PPP2R1B: variants seen among roughly 807,000 people sequenced by gnomAD.
PPP2R1B encodes the protein protein phosphatase 2 scaffold subunit Abeta.
In PPP2R1B, 58 loss-of-function variants were observed where a neutral mutation model predicts 72.7. The ratio of observed to expected loss-of-function variants is 0.80; its 90% confidence interval spans 0.65 to 0.99. The LOEUF (loss-of-function observed/expected upper bound fraction) is 0.99. PPP2R1B is among the 50% of genes least tolerant of loss of function. PPP2R1B has a pLI of 0.00. For synonymous variants in PPP2R1B, 256 were observed against 264.6 expected, an observed-to-expected ratio of 0.97 and a Z score of 0.32; for missense variants, 695 against 733.6, an observed-to-expected ratio of 0.95 and a Z score of 0.61.
In PPP2R1B at chr11:111,753,132, T is replaced by C. The variant is rs919991369; in HGVS notation, c.1164+311A>G. Among the ~76,000 whole-genome samples the C allele has an allele frequency of 9.2e-5, 14 of 152,330 alleles. No individual in the cohort carries two copies. The East Asian group carries it at 2.5e-3, about 27-fold the overall frequency. ...GGTATCATTATAATTTTTGATACTA[T>C]ATTTAAACTTAAATAAATGAAACTT... On this transcript the variant is annotated intron_variant, in intron 9 of 14. Transcript: ENST00000527614.
the PPP2R1B span, among the ~76,000 whole-genome samples, chr11:111,691,150 C>T: frequency 2.0e-5 from 3 of 152,252 alleles, no homozygotes; most frequent in African/African-American, 7.2e-5. Context: ...ATACGTGGGT[C>T]AAATCAGTGT....
chr11:111,721,210 C>T, the PPP2R1B span: 3 of 930,554 alleles, frequency 3.2e-6, no homozygotes, highest in Admixed American at 5.9e-5. Context: ...TGCCTTGTTG[C>T]TGCCACCTGC....
Position 111,741,763 on chromosome 11 carries a change from G to A in PPP2R1B, c.1790-151C>T, listed in dbSNP as rs964842017. 1.0e-5 allele frequency: 10 copies of A among 965,686 alleles called. No homozygotes were observed. The African/African-American group carries it at 1.7e-4, about 16-fold the overall frequency. The allele number at this position is 965,686 out of a possible 1,614,324, so 59.8% of individuals were successfully genotyped here. ...CTTTACTCAGCCAGGCTAATCAGAA[G>A]TGAAACTTTAAAAACTGGTTAAATT... On this transcript the variant is annotated intron_variant, in intron 14 of 14. Transcript: ENST00000527614.
intron 5 of PPP2R1B, among the ~76,000 whole-genome samples, 186 bp from the exon 6 acceptor site, chr11:111,755,636 T>A (rs555556765): frequency 6.7e-6 from 1 of 149,864 alleles, no homozygotes; most frequent in South Asian, 2.1e-4. Context: ...GTCACCCAGA[T>A]TGGAGTGCAG....
At chr11:111,766,018 C>CGGGCGGACGCCTCAGGG (rs1297748576) in intron 1 of PPP2R1B, 1 of 586,054 alleles carries the variant, frequency 1.7e-6, no homozygotes, top group Admixed American at 2.5e-5. Flanking sequence ...GGCAAGGCTC[C>CGGGCGGACGCCTCAGGG]GGGCGGACGC....
the PPP2R1B span, among the ~76,000 whole-genome samples, chr11:111,697,476 T>C: frequency 1.3e-5 from 2 of 152,248 alleles, no homozygotes; most frequent in East Asian, 3.8e-4. Context: ...CTTCTGTTTA[T>C]TGACTACCTA....
At chr11:111,731,175 G>T (rs1055343080) in intron 15 of PPP2R1B, among the ~76,000 whole-genome samples, 1 of 152,236 alleles carries the variant, frequency 6.6e-6, no homozygotes, top group Admixed American at 6.5e-5. Context: ...AGGGCAAAGC[G>T]CATCAGCCCA....
At chr11:111,700,877 T>C in the PPP2R1B span, 1 of 1,613,738 alleles carries the variant, frequency 6.2e-7, no homozygotes, top group Middle Eastern at 1.7e-4. Flanking sequence ...TTTATTTCCA[T>C]CCTAATAGAT....
chr11:111,693,393 T>A, the PPP2R1B span, among the ~76,000 whole-genome samples: 1 of 151,768 alleles, frequency 6.6e-6, no homozygotes, highest in Non-Finnish European at 1.5e-5. Flanking sequence ...CAGTGTGTAC[T>A]CATTGCCTCA....
At chr11:111,757,393 T>A (rs781867318) in intron 5 of PPP2R1B, among the ~76,000 whole-genome samples, 8 of 152,204 alleles carry the variant, frequency 5.3e-5, no homozygotes, top group Non-Finnish European at 7.3e-5. Flanking sequence ...GACACACACA[T>A]TCCTCTGTAT....
chr11:111,713,478 GATTA>G, the PPP2R1B span, among the ~76,000 whole-genome samples: 17 of 152,256 alleles, frequency 1.1e-4, no homozygotes, highest in Non-Finnish European at 2.1e-4. Context: ...CTATTATGAG[GATTA>G]ATTGAGATAA....
rs1945444237 is a variant in PPP2R1B at position 111,764,507 on chromosome 11, A to G, written c.306+298T>C. ...AAAATGCTGCTAGGTGAGAATTAAA[A>G]CTTCCACCATCGCGCGGGGGAACCA... On this transcript the variant is annotated intron_variant, in intron 3 of 14. Coordinates refer to ENST00000527614, the MANE Select transcript of PPP2R1B (RefSeq NM_002716.5). 2.0e-5 allele frequency among the ~76,000 whole-genome samples: 3 copies of G among 152,090 alleles called. No homozygotes were observed. The South Asian group carries it at 6.2e-4, about 32-fold the overall frequency.
At chr11:111,697,599 A>T in the PPP2R1B span, among the ~76,000 whole-genome samples, 34 of 152,312 alleles carry the variant, frequency 2.2e-4, no homozygotes, top group African/African-American at 7.7e-4. Context: ...GAAGTTAAGT[A>T]ATTTGTCCAA....
At chr11:111,729,000 C>T (rs931762090) in intron 15 of PPP2R1B, 6 of 152,152 alleles carry the variant, frequency 3.9e-5, no homozygotes, top group African/African-American at 1.4e-4. Context: ...CTTAAAGTTT[C>T]TATCATCTCC....
chr11:111,704,648 G>A, the PPP2R1B span, among the ~76,000 whole-genome samples: 3 of 152,274 alleles, frequency 2.0e-5, no homozygotes, highest in South Asian at 2.1e-4. Context: ...TTACACCACC[G>A]TTACAGCTAT....
chr11:111,744,276 G>A (rs185290146), intron 11 of PPP2R1B, among the ~76,000 whole-genome samples: 29 of 152,310 alleles, frequency 1.9e-4, no homozygotes, highest in African/African-American at 6.7e-4. Flanking sequence ...GAGAAGCGAC[G>A]TTGACTGAGA....
chr11:111,698,562 C>T, the PPP2R1B span, among the ~76,000 whole-genome samples: 373 of 152,240 alleles, frequency 2.5e-3, 1 homozygote, highest in African/African-American at 8.6e-3. Flanking sequence ...GGAAACATGG[C>T]AAATCCCTGT....
intron 7 of PPP2R1B, 21 bp downstream of exon 7, chr11:111,754,959 A>G (rs1555049104): frequency 6.5e-7 from 1 of 1,549,922 alleles, no homozygotes; most frequent in Non-Finnish European, 8.8e-7. Context: ...ACATGTTCCA[A>G]CATAAATTGA....
At chr11:111,717,935 A>G in the PPP2R1B span, among the ~76,000 whole-genome samples, 1 of 152,166 alleles carries the variant, frequency 6.6e-6, no homozygotes, top group Admixed American at 6.5e-5. Flanking sequence ...AATGGGAGGG[A>G]GAGCATCAGG....
Sources: allele counts gnomAD v4.1 joint callset (sites outside exome capture counted in the v4.1 genomes callset), GRCh38; gene constraint gnomAD v4.1.1; transcripts MANE v1.5; gene names NCBI Gene and HGNC (gene_info 2026-07-23, HGNC 2026-07-21).